LRFN2: variants seen among roughly 807,000 people sequenced by gnomAD.
LRFN2 encodes leucine rich repeat and fibronectin type III domain containing 2.
In LRFN2, 18 loss-of-function variants were observed where a neutral mutation model predicts 37.3. The ratio of observed to expected loss-of-function variants is 0.48; its 90% CI spans 0.33 to 0.72. The LOEUF is 0.72. Ranked by LOEUF, LRFN2 falls within the 30% of genes least tolerant of loss-of-function variation. LRFN2 has a pLI of 0.02. For synonymous variants in LRFN2, 556 were observed against 466.6 expected, an observed-to-expected ratio of 1.19 and a Z score of -2.47; for missense variants, 1,006 against 1,060.7, an observed-to-expected ratio of 0.95 and a Z score of 0.72.
chr6:40,520,848 A>G (rs1766042151), intron 1 of LRFN2, among the ~76,000 whole-genome samples: 1 of 152,046 alleles, frequency 6.6e-6, no homozygotes, highest in Non-Finnish European at 1.5e-5. Flanking sequence ...TGCCAACCCC[A>G]TATCACCACC....
chr6:40,479,829 C>T (rs770581346), intron 1 of LRFN2, among the ~76,000 whole-genome samples: 8 of 152,224 alleles, frequency 5.3e-5, no homozygotes, highest in Non-Finnish European at 8.8e-5. Flanking sequence ...GGCCACGTTC[C>T]TCCTTCTCTC....
At chr6:40,467,088 A>G (rs909310609) in intron 1 of LRFN2, among the ~76,000 whole-genome samples, 13 of 152,002 alleles carry the variant, frequency 8.6e-5, no homozygotes, top group African/African-American at 3.1e-4. Context: ...ATAAATTTGT[A>G]TTGTTTAAAC....
At chr6:40,416,940 A>T (rs1763106163) in intron 2 of LRFN2, among the ~76,000 whole-genome samples, 1 of 152,212 alleles carries the variant, frequency 6.6e-6, no homozygotes, top group Non-Finnish European at 1.5e-5. Flanking sequence ...TGTTCTAGTC[A>T]GGGTGGGGAA....
At chr6:40,414,935 C>T (rs1434933786) in intron 2 of LRFN2, among the ~76,000 whole-genome samples, 1 of 152,188 alleles carries the variant, frequency 6.6e-6, no homozygotes, top group African/African-American at 2.4e-5. Context: ...CCACAGGAGA[C>T]TAGGGAGAGC....
At chr6:40,585,442 C>G (rs1197360387) in intron 1 of LRFN2, among the ~76,000 whole-genome samples, 1 of 152,098 alleles carries the variant, frequency 6.6e-6, no homozygotes, top group Non-Finnish European at 1.5e-5. Context: ...CCTTTTGGAG[C>G]TTCTGAATCC....
intron 1 of LRFN2, among the ~76,000 whole-genome samples, chr6:40,548,723 C>A (rs1293717594): frequency 6.6e-6 from 1 of 152,184 alleles, no homozygotes; most frequent in African/African-American, 2.4e-5. Flanking sequence ...GCTCAGAATT[C>A]CTTCCAAGAC....
intron 1 of LRFN2, among the ~76,000 whole-genome samples, chr6:40,560,876 A>G (rs1187279703): frequency 6.6e-6 from 1 of 152,146 alleles, no homozygotes; most frequent in Non-Finnish European, 1.5e-5. Context: ...GCCAAAAGAG[A>G]TTGAAAGTCC....
At chr6:40,531,477 G>C in intron 1 of LRFN2, among the ~76,000 whole-genome samples, 1 of 152,170 alleles carries the variant, frequency 6.6e-6, no homozygotes, top group Admixed American at 6.5e-5. Flanking sequence ...GGGTCACAAA[G>C]TATGCCTCAA....
At chr6:40,447,950 C>T (rs1388378184) in intron 1 of LRFN2, among the ~76,000 whole-genome samples, 1 of 152,202 alleles carries the variant, frequency 6.6e-6, no homozygotes, top group Non-Finnish European at 1.5e-5. Context: ...ACAGTAATCA[C>T]TTTATAATCA....
intron 1 of LRFN2, among the ~76,000 whole-genome samples, chr6:40,571,521 T>G (rs1767186092): frequency 6.6e-6 from 1 of 152,106 alleles, no homozygotes; most frequent in Non-Finnish European, 1.5e-5. Flanking sequence ...GGCAGGGCAA[T>G]GGGGAGGGAG....
At chr6:40,514,283 T>C (rs1159080387) in intron 1 of LRFN2, among the ~76,000 whole-genome samples, 3 of 152,182 alleles carry the variant, frequency 2.0e-5, no homozygotes, top group Non-Finnish European at 4.4e-5. Context: ...ATAGTGTATG[T>C]ATGTAATACA....
chr6:40,503,710 C>A (rs1337173162), intron 1 of LRFN2, among the ~76,000 whole-genome samples: 2 of 152,228 alleles, frequency 1.3e-5, no homozygotes, highest in African/African-American at 2.4e-5. Context: ...GAGCCCAACA[C>A]CAGTATGTGC....
At chr6:40,574,900 G>A (rs542641924) in intron 1 of LRFN2, among the ~76,000 whole-genome samples, 218 of 152,270 alleles carry the variant, frequency 1.4e-3, no homozygotes, top group Admixed American at 2.6e-3. Flanking sequence ...CCAATAAGGG[G>A]CATGCAGACA....
chr6:40,532,413 T>G (rs1766360050), intron 1 of LRFN2, among the ~76,000 whole-genome samples: 1 of 152,248 alleles, frequency 6.6e-6, no homozygotes, highest in Non-Finnish European at 1.5e-5. Context: ...GTCATGTGCT[T>G]TATCTTTTGA....
chr6:40,474,572 C>T (rs1488290027), intron 1 of LRFN2, among the ~76,000 whole-genome samples: 1 of 152,194 alleles, frequency 6.6e-6, no homozygotes, highest in Non-Finnish European at 1.5e-5. Flanking sequence ...TCACTGCAAC[C>T]TCTGCCTCCT....
chr6:40,492,258 G>A (rs548413031), intron 1 of LRFN2, among the ~76,000 whole-genome samples: 34 of 152,306 alleles, frequency 2.2e-4, no homozygotes, highest in Non-Finnish European at 4.1e-4. Context: ...AGTCCCAAGG[G>A]TGAGTGAAGC....
chr6:40,559,431 A>C (rs1766952164), intron 1 of LRFN2, among the ~76,000 whole-genome samples: 1 of 152,120 alleles, frequency 6.6e-6, no homozygotes, highest in Non-Finnish European at 1.5e-5. Context: ...TCACCCCCAC[A>C]CCCTGGGAAT....
chr6:40,461,986 C>T (rs1053398632), intron 1 of LRFN2, among the ~76,000 whole-genome samples: 6 of 152,152 alleles, frequency 3.9e-5, no homozygotes, highest in Non-Finnish European at 5.9e-5. Flanking sequence ...GATCACAAGT[C>T]TTGCTGGACC....
At chr6:40,396,647 A>C (rs1340389694) in intron 2 of LRFN2, among the ~76,000 whole-genome samples, 1 of 151,614 alleles carries the variant, frequency 6.6e-6, no homozygotes, top group Non-Finnish European at 1.5e-5. Flanking sequence ...GCTAGGATGA[A>C]GAGCAGAAAG....
Sources: gnomAD v4.1 joint callset for allele counts (sites outside exome capture counted in the v4.1 genomes callset) on GRCh38, gnomAD v4.1.1 for gene constraint, MANE v1.5 for transcripts, NCBI Gene and HGNC (gene_info 2026-07-23, HGNC 2026-07-21) for gene names.